ZKSCAN2: variants seen among roughly 807,000 people sequenced by gnomAD.
ZKSCAN2 encodes the protein zinc finger with KRAB and SCAN domains 2.
In ZKSCAN2, 38 loss-of-function variants were observed where a neutral mutation model predicts 90.5. That is an observed-to-expected ratio of 0.42 (90% CI 0.32 to 0.55). The LOEUF is 0.55. Among genes scored for constraint, ZKSCAN2 ranks in the 20% least tolerant of loss-of-function variants. ZKSCAN2 has a pLI of 0.11. For missense variants in ZKSCAN2, 1,167 were observed against 1,202.6 expected (o/e 0.97, Z 0.44); for synonymous variants, 429 against 421.6 (o/e 1.02, Z -0.22).
intron 5 of ZKSCAN2, among the ~76,000 whole-genome samples, chr16:25,246,069 ATCTG>A (rs1225483031): frequency 6.6e-6 from 1 of 152,210 alleles, no homozygotes; most frequent in Non-Finnish European, 1.5e-5. Flanking sequence ...TGCATGGTGT[ATCTG>A]TCTGCCTTTT....
intron 6 of ZKSCAN2, among the ~76,000 whole-genome samples, chr16:25,243,377 G>C (rs914442604): frequency 1.3e-5 from 2 of 152,138 alleles, no homozygotes; most frequent in Non-Finnish European, 2.9e-5. Context: ...ACCCAGGCTG[G>C]AGTGCAATGG....
intron 3 of ZKSCAN2, among the ~76,000 whole-genome samples, chr16:25,252,654 C>T (rs866727844): frequency 6.6e-6 from 1 of 152,150 alleles, no homozygotes; most frequent in African/African-American, 2.4e-5. Flanking sequence ...TAGCTCACAC[C>T]TGTAATCCCA....
chr16:25,240,912 C>G (rs569978604), intron 6 of ZKSCAN2, among the ~76,000 whole-genome samples, 174 bp from the exon 7 acceptor site: 33 of 152,280 alleles, frequency 2.2e-4, no homozygotes, highest in African/African-American at 7.7e-4. Context: ...AGGCCAATAA[C>G]AGCCAGTACA....
rs201469560 is a variant in ZKSCAN2 at position 25,251,951 on chromosome 16, G to T, written c.763C>A (p.Arg255=). 1 of 1,613,992 alleles carries T rather than the reference G, an allele frequency of 6.2e-7. No individual in the cohort carries two copies. The highest frequency in any genetic ancestry group is 1.1e-5 in the South Asian group (1 of 91,074). Residue 255 remains arginine (R), a synonymous_variant, in exon 4 of 7, where the codon CGG becomes AGG. Transcript: ENST00000328086. ...HQIPAQRDLY[R]DFRKENVGNV... Reference sequence around the variant, plus strand: ...CCAACATTCTCCTTCCTGAAATCCCGGTAGAGGTCCCTTTGGGCAGGAATC... The same window carrying T: ...CCAACATTCTCCTTCCTGAAATCCCTGTAGAGGTCCCTTTGGGCAGGAATC...
intron 1 of ZKSCAN2, 41 bp downstream of exon 1, chr16:25,256,688 C>T (rs1325973699): frequency 1.9e-6 from 3 of 1,569,146 alleles, no homozygotes; most frequent in African/African-American, 2.7e-5. Flanking sequence ...TTTCCCATTC[C>T]CTTTTTTCTA....
intron 4 of ZKSCAN2, among the ~76,000 whole-genome samples, chr16:25,247,621 G>C (rs1962953897): frequency 6.6e-6 from 1 of 152,046 alleles, no homozygotes; most frequent in African/African-American, 2.4e-5. Flanking sequence ...GTTCTTACAG[G>C]AAAACCTTTA....
rs1723035458 is a variant in ZKSCAN2 at position 25,240,274 on chromosome 16, A to G, written c.2446T>C (p.Ser816Pro). The change falls in exon 7 of 7, where the codon TCA becomes CCA. Residue 816 changes from serine to proline, a missense_variant. Ser to Pro is a moderately conservative substitution (Grantham distance 74). Coordinates refer to ENST00000328086, the MANE Select transcript of ZKSCAN2 (RefSeq NM_001012981.5). ...ATTCTCTGGTGGGCACCAAAATTTG[A>G]GGAGTCATTAAAGCTTTTTCCACAG... ...LDCGKSFNDS[S>P]NFGAHQRIHT... The G allele has an allele frequency of 1.9e-6, 3 of 1,613,668 alleles. No homozygotes were observed. Among genetic ancestry groups the G allele is most frequent in the East Asian group, 4.5e-5 (2 of 44,834 alleles).
intron 5 of ZKSCAN2, among the ~76,000 whole-genome samples, chr16:25,245,035 C>T (rs1426664723): frequency 6.6e-6 from 1 of 152,170 alleles, no homozygotes; most frequent in African/African-American, 2.4e-5. Flanking sequence ...AGAGTCCCAG[C>T]CTCATGTTGA....
rs1208193978 is a variant in ZKSCAN2 at position 25,255,350 on chromosome 16, C to T, written c.442G>A (p.Ala148Thr). ...VHREKHSPLG[A>T]AWEVADFQPE... ...TGGAAGTCTGCCACCTCCCACGCTG[C>T]TCCAAGTGGGGAGTGCTTCTCCCGG... Residue 148 changes from alanine (A) to threonine (T), a missense_variant, in exon 2 of 7, where the codon GCA becomes ACA. By Grantham distance (58) the Ala-to-Thr change is moderately conservative. Transcript: ENST00000328086. 2 of 1,613,286 alleles carry T rather than the reference C, an allele frequency of 1.2e-6. No individual in the cohort carries two copies. The highest frequency in any genetic ancestry group is 1.1e-5 in the South Asian group (1 of 91,016).
At chr16:25,241,078 C>T (rs1056903457) in intron 6 of ZKSCAN2, among the ~76,000 whole-genome samples, 3 of 152,212 alleles carry the variant, frequency 2.0e-5, no homozygotes, top group Admixed American at 6.5e-5. Context: ...AAGCACACTA[C>T]ACCACACTGA....
Position 25,240,691 on chromosome 16 carries a change from A to G in ZKSCAN2, c.2029T>C (p.Tyr677His). The change falls in exon 7 of 7, where the codon TAT (tyrosine) becomes CAT (histidine). Residue 677 changes from tyrosine (Y) to histidine (H), a missense_variant. Physicochemically the swap from Tyr to His is moderately conservative, Grantham distance 83. Transcript: ENST00000328086. ...SIKEDPTQIV[Y>H]KDMEQHRALI... ...GCCCTATGCTGTTCCATGTCCTTAT[A>G]TACTATCTGTGTTGGATCCTCCTTG... 3.1e-6 allele frequency: 5 copies of G among 1,613,990 alleles called. No individual in the cohort carries two copies. The highest frequency in any genetic ancestry group is 3.4e-6 in the Non-Finnish European group (4 of 1,179,928).
intron 5 of ZKSCAN2, 77 bp from the exon 6 acceptor site, chr16:25,244,353 T>G: frequency 6.7e-7 from 1 of 1,483,048 alleles, no homozygotes; most frequent in South Asian, 1.4e-5. Context: ...CATTAAGAAA[T>G]GTAGAGGTAA....
rs902989594 is a variant in ZKSCAN2, at chr16:25,236,842, A to G, written c.*2974T>C. 4 of 152,448 alleles carry G rather than the reference A, an allele frequency of 2.6e-5. No individual in the cohort carries two copies. Among genetic ancestry groups the G allele is most frequent in the Non-Finnish European group, 2.9e-5 (2 of 68,048 alleles). 9.4% of individuals were successfully genotyped at this position (152,448 alleles called of 1,614,324 possible). A position where few individuals can be genotyped will look rare whatever the true frequency, so the allele number is the denominator to read the frequency against. On this transcript the variant is annotated 3_prime_UTR_variant, in exon 7 of 7. Transcript: ENST00000328086. ...CCCCAGTTTCCAAAATGCCTTCGAT[A>G]AGATGATAGTGAAAAGTTGTCAGTC...
At chr16:25,251,866 G>A (rs766485750) in intron 4 of ZKSCAN2, 43 bp downstream of exon 4, 18 of 1,605,112 alleles carry the variant, frequency 1.1e-5, no homozygotes. Context: ...GAATACATTA[G>A]AAAGCTCCAA....
At position 25,239,288 on chromosome 16, in the gene ZKSCAN2, T is replaced by TA; in HGVS notation, c.*527dup. 2 of 152,308 alleles carry TA rather than the reference T, an allele frequency of 1.3e-5. No homozygotes were observed. Among genetic ancestry groups the TA allele is most frequent in the African/African-American group, 4.8e-5 (2 of 41,472 alleles). 9.4% of individuals were successfully genotyped at this position (152,308 alleles called of 1,614,324 possible). A position where few individuals can be genotyped will look rare whatever the true frequency, so the allele number is the denominator to read the frequency against. ...CAAAAAAAAAAAAAAAGGTACACTGTAACAGACTTCTGAGGAAAGCTATAA... is the reference window on the plus strand; with the variant it reads ...CAAAAAAAAAAAAAAAGGTACACTGTAAACAGACTTCTGAGGAAAGCTATAA... On this transcript the variant is annotated 3_prime_UTR_variant, in exon 7 of 7. Coordinates refer to ENST00000328086, the MANE Select transcript of ZKSCAN2 (RefSeq NM_001012981.5).
chr16:25,252,032 G>A lies in ZKSCAN2; in HGVS notation c.682C>T (p.Pro228Ser), dbSNP rs571530241. ...TTRLPAGSQE[P>S]VKDVHVARGF... is the part of the protein sequence containing the mutation. ...CTGGCCACGTGGACATCTTTCACTGGTTCCTGTAATGACACTAACACCAAT... is the reference window on the plus strand; with the variant it reads ...CTGGCCACGTGGACATCTTTCACTGATTCCTGTAATGACACTAACACCAAT... The change falls in exon 4 of 7, where the codon CCA becomes TCA. Residue 228 changes from proline (P) to serine (S), a missense_variant. Pro to Ser is a moderately conservative substitution (Grantham distance 74). Coordinates refer to ENST00000328086, the MANE Select transcript of ZKSCAN2 (RefSeq NM_001012981.5). The A allele has an allele frequency of 6.2e-7, 1 of 1,614,024 alleles. No homozygotes were observed. The highest frequency in any genetic ancestry group is 1.3e-5 in the African/African-American group (1 of 75,026).
At chr16:25,252,643 G>T (rs1473455539) in intron 3 of ZKSCAN2, among the ~76,000 whole-genome samples, 1 of 152,126 alleles carries the variant, frequency 6.6e-6, no homozygotes, top group African/African-American at 2.4e-5. Flanking sequence ...GCAGGGCATG[G>T]TAGCTCACAC....
rs748577396 is a variant in ZKSCAN2, at chr16:25,244,000, G to C, written c.1766C>G (p.Ala589Gly). ...MDALINSRAS[A>G]PSPSTPEEVP... ...TTCCTCTGGGGTGCTGGGGGAAGGA[G>C]CAGATGCCCGAGAGTTAATCAGGGC... The change falls in exon 6 of 7, where the codon GCT becomes GGT. Residue 589 changes from alanine to glycine, a missense_variant. Physicochemically the swap from Ala to Gly is moderately conservative, Grantham distance 60. Coordinates refer to ENST00000328086, the MANE Select transcript of ZKSCAN2 (RefSeq NM_001012981.5). The C allele has an allele frequency of 6.8e-6, 11 of 1,614,198 alleles. No homozygotes were observed. Among genetic ancestry groups the C allele is most frequent in the Non-Finnish European group, 7.6e-6 (9 of 1,180,038 alleles).
intron 6 of ZKSCAN2, among the ~76,000 whole-genome samples, chr16:25,242,092 T>G (rs1380750746): frequency 6.6e-6 from 1 of 152,142 alleles, no homozygotes; most frequent in African/African-American, 2.4e-5. Context: ...CTCAAACTCC[T>G]GTGCTCAAGC....
Sources: gnomAD v4.1 joint callset for allele counts (sites outside exome capture counted in the v4.1 genomes callset) on GRCh38, gnomAD v4.1.1 for gene constraint, MANE v1.5 for transcripts, NCBI Gene and HGNC (gene_info 2026-07-23, HGNC 2026-07-21) for gene names.